The following ZNF789 variants were observed in gnomAD, a reference collection of about 807,000 sequenced individuals.
The protein encoded by ZNF789 is zinc finger protein 789.
A neutral mutation model predicts 15.6 loss-of-function variants in ZNF789; 11 were observed. The observed-to-expected ratio is 0.70, with a 90% confidence interval of 0.44 to 1.16. The LOEUF (loss-of-function observed/expected upper bound fraction) is 1.16. Among genes scored for constraint, ZNF789 ranks in the 50% most tolerant of loss-of-function variants. The pLI is 0.00. For synonymous variants in ZNF789, 159 were observed against 176.0 expected (o/e 0.90, Z 0.76); for missense variants, 461 against 512.6 (o/e 0.90, Z 0.97).
In ZNF789 at chr7:99,487,277, T is replaced by G. The variant is rs374329986; in HGVS notation, c.1067T>G (p.Leu356Arg). Residue 356 changes from leucine to arginine, a missense_variant, in exon 5 of 5, where the codon CTC becomes CGC. Transcript: ENST00000331410. ...CGQSFGRNVD[L>R]IQHQRIHTKE... The stretch of plus-strand genomic sequence containing the variant: ...CAGTCCTTTGGTAGGAATGTGGATC[T>G]CATTCAGCATCAAAGAATCCATACA... 22 of 1,614,066 alleles carry G rather than the reference T, an allele frequency of 1.4e-5. No homozygotes were observed. Among genetic ancestry groups the G allele is most frequent in the Non-Finnish European group, 1.9e-5 (22 of 1,180,012 alleles).
At chr7:99,479,559 C>CCA in intron 2 of ZNF789, 102 bp from the exon 3 acceptor site, 1 of 1,408,196 alleles carries the variant, frequency 7.1e-7, no homozygotes, top group Non-Finnish European at 9.4e-7. Context: ...TGCCCTTGGC[C>CCA]CACACTCTAC....
rs944616374 is a variant in ZNF789, at chr7:99,476,293, CTTTGTATT to C, written c.-54-109_-54-102del. 2.8e-5 allele frequency: 18 copies of C among 633,896 alleles called. No homozygotes were observed. In the African/African-American group the frequency reaches 3.4e-4, roughly 12 times the overall value. 39.3% of individuals were successfully genotyped at this position (633,896 alleles called of 1,614,324 possible). A position where few individuals can be genotyped will look rare whatever the true frequency, so the allele number is the denominator to read the frequency against. On this transcript the variant is annotated intron_variant, in intron 1 of 4. Transcript: ENST00000331410. ...CATGTTCCAACACCAAACACAGGGA[CTTTGTATT>C]AAGCTTTGTCTGTGTGCCCCGTTGG... is the stretch of plus-strand genomic sequence containing the variant.
rs780092973 is a variant in ZNF789, at chr7:99,487,010, G to A, written c.800G>A (p.Arg267Gln). Residue 267 changes from arginine (R) to glutamine (Q), a missense_variant, in exon 5 of 5, where the codon CGG becomes CAG. Arg to Gln is a conservative substitution (Grantham distance 43, BLOSUM62 1). Coordinates refer to ENST00000331410, the MANE Select transcript of ZNF789 (RefSeq NM_213603.3). ...TGTCATGACTGTGGAAAGTGTTTTC[G>A]GCAGCTCGCGTATCTTGTTGAACAT... Reference protein sequence around the residue: ...YRCHDCGKCFRQLAYLVEHKR... With the variant: ...YRCHDCGKCFQQLAYLVEHKR... The A allele has an allele frequency of 4.3e-6, 7 of 1,613,984 alleles. No homozygotes were observed. Among genetic ancestry groups the A allele is most frequent in the Admixed American group, 1.7e-5 (1 of 60,000 alleles).
intron 4 of ZNF789, chr7:99,485,057 T>C (rs1799855184): frequency 1.2e-6 from 1 of 853,138 alleles, no homozygotes; most frequent in Non-Finnish European, 1.8e-6. Context: ...AAGTGACAGC[T>C]CTTAGGGCAC....
intron 2 of ZNF789, chr7:99,478,158 T>C: frequency 1.6e-6 from 1 of 612,628 alleles, no homozygotes; most frequent in Admixed American, 3.3e-5. Context: ...TGTACATACT[T>C]TTGCTAAAAA....
At chr7:99,477,895 C>A (rs1799419597) in intron 2 of ZNF789, among the ~76,000 whole-genome samples, 1 of 152,192 alleles carries the variant, frequency 6.6e-6, no homozygotes, top group Admixed American at 6.5e-5. Flanking sequence ...TTGCAGTGAG[C>A]CGAGATCGCG....
chr7:99,473,735 C>T (rs1799148381), intron 1 of ZNF789, among the ~76,000 whole-genome samples: 1 of 152,220 alleles, frequency 6.6e-6, no homozygotes, highest in Non-Finnish European at 1.5e-5. Context: ...ATTCTCCTGC[C>T]TCAGCCTCTC....
rs79905628 is a variant in ZNF789 at position 99,482,339 on chromosome 7, C to T, written c.152-1691C>T. The T allele has an allele frequency of 2.2e-3, 1,572 of 714,314 alleles. 10 individuals are homozygous for T. The highest frequency in any genetic ancestry group is 3.3e-3 in the Non-Finnish European group (1,287 of 386,452). 44.2% of individuals were successfully genotyped at this position (714,314 alleles called of 1,614,324 possible). On this transcript the variant is annotated intron_variant, in intron 3 of 4. Transcript: ENST00000331410. ...AGATATTTACAAAGATTGTGCCAATCTCTGTTTTTCCCTGGGGAAGGCTGA... is the reference window on the plus strand; with the variant it reads ...AGATATTTACAAAGATTGTGCCAATTTCTGTTTTTCCCTGGGGAAGGCTGA...
intron 3 of ZNF789, chr7:99,482,107 AGACATGTAGCTTCTTCAAGCTACGCTT>A (rs1161310628): frequency 1.3e-6 from 1 of 779,566 alleles, no homozygotes; most frequent in Non-Finnish European, 2.4e-6. Context: ...TATACACCTT[AGACATGTAGCTTCTTCAAGCTACGCTT>A]GATTTAATTG....
intron 2 of ZNF789, among the ~76,000 whole-genome samples, chr7:99,477,319 G>C (rs1799388253): frequency 6.6e-6 from 1 of 152,012 alleles, no homozygotes; most frequent in African/African-American, 2.4e-5. Flanking sequence ...GGCATTACAG[G>C]CGTGAGCCAC....
chr7:99,486,497 T>C lies in ZNF789; in HGVS notation c.287T>C (p.Met96Thr). The change falls in exon 5 of 5, where the codon ATG becomes ACG. Residue 96 changes from methionine to threonine, a missense_variant. Transcript: ENST00000331410. ...CTAGGTTCTGAAGCCAGACACAAGA[T>C]GAAAAAGCTAACTCCAAAACAGAAA... is the stretch of plus-strand genomic sequence containing the variant. ...ACPGSEARHK[M>T]KKLTPKQKFS... is the part of the protein sequence containing the mutation. 1 of 1,611,660 alleles carries C rather than the reference T, an allele frequency of 6.2e-7. No homozygotes were observed. The highest frequency in any genetic ancestry group is 8.5e-7 in the Non-Finnish European group (1 of 1,178,748).
intron 2 of ZNF789, chr7:99,478,863 G>A (rs1175502163): frequency 6.4e-6 from 1 of 156,914 alleles, no homozygotes; most frequent in African/African-American, 2.4e-5. Context: ...GGGATGAAGA[G>A]GGTTGGAGGA....
chr7:99,479,035 C>G (rs1366192165), intron 2 of ZNF789: 1 of 152,714 alleles, frequency 6.5e-6, no homozygotes, highest in Non-Finnish European at 1.5e-5. Flanking sequence ...CAGCCCTCCC[C>G]ACCTTACCCC....
intron 3 of ZNF789, 69 bp from the exon 4 acceptor site, chr7:99,483,961 C>A: frequency 8.2e-7 from 1 of 1,220,974 alleles, no homozygotes; most frequent in Non-Finnish European, 1.2e-6. Context: ...TCTCTGCTTG[C>A]CACTGAGCCC....
At chr7:99,476,578 C>T in intron 2 of ZNF789, 98 bp downstream of exon 2, 1 of 1,485,284 alleles carries the variant, frequency 6.7e-7, no homozygotes, top group East Asian at 2.4e-5. Flanking sequence ...GGGAGTTTTC[C>T]TTCTTAGACA....
chr7:99,482,153 T>G (rs1395001855), intron 3 of ZNF789: 1 of 779,338 alleles, frequency 1.3e-6, no homozygotes, highest in Non-Finnish European at 2.4e-6. Flanking sequence ...TGTTCCCTTT[T>G]GATATTCAGT....
At chr7:99,479,857 C>A in intron 3 of ZNF789, 70 bp downstream of exon 3, 1 of 1,475,174 alleles carries the variant, frequency 6.8e-7, no homozygotes. Flanking sequence ...AGTCCCTTAT[C>A]TGCAATTCCA....
intron 4 of ZNF789, chr7:99,485,286 G>T: frequency 8.0e-6 from 11 of 1,371,960 alleles, no homozygotes; most frequent in Non-Finnish European, 1.0e-5. Context: ...TTTGGGGACA[G>T]GATGGGGCAT....
At chr7:99,485,754 C>T (rs1003302338) in intron 4 of ZNF789, among the ~76,000 whole-genome samples, 1 of 152,076 alleles carries the variant, frequency 6.6e-6, no homozygotes, top group Non-Finnish European at 1.5e-5. Context: ...ATCTCTTGAA[C>T]CCAGGAAGTG....
Sources: gnomAD v4.1 joint callset for allele counts (sites outside exome capture counted in the v4.1 genomes callset) on GRCh38, gnomAD v4.1.1 for gene constraint, MANE v1.5 for transcripts, NCBI Gene and HGNC (gene_info 2026-07-23, HGNC 2026-07-21) for gene names.